The following DLG2 variants were observed in gnomAD, a reference collection of about 807,000 sequenced individuals.
The protein encoded by DLG2 is discs large MAGUK scaffold protein 2, also known as disks large homolog 2.
In DLG2, 45 loss-of-function variants were observed where a neutral mutation model predicts 132.5. The observed-to-expected ratio is 0.34, with a 90% CI of 0.27 to 0.44. The LOEUF (loss-of-function observed/expected upper bound fraction) is 0.44. Among genes scored for constraint, DLG2 ranks in the 20% least tolerant of loss-of-function variants. DLG2 has a pLI of 1.00. For missense variants in DLG2, 1,045 were observed against 1,196.9 expected (o/e 0.87, Z 1.87); for synonymous variants, 424 against 419.6 (o/e 1.01, Z -0.13).
intron 6 of DLG2, among the ~76,000 whole-genome samples, chr11:85,065,827 A>G (rs972245002): frequency 6.6e-6 from 1 of 151,450 alleles, no homozygotes; most frequent in African/African-American, 2.4e-5. Context: ...CAGTGCTAAG[A>G]GAAAAGTTTA....
At position 84,545,628 on chromosome 11, in the gene DLG2, T is replaced by C. The variant is rs563198647; in HGVS notation, c.358-10897A>G. ...CAATATGGTACTTCAATCTTATTCA[T>C]AGAGTCATGGTCCTTAAGAGTTACA... On this transcript the variant is annotated intron_variant, in intron 6 of 27. Coordinates refer to ENST00000376104, the MANE Select transcript of DLG2 (RefSeq NM_001142699.3). The C allele has an allele frequency of 6.4e-4, 208 of 323,756 alleles. 1 individual carries two copies. Among genetic ancestry groups the C allele is most frequent in the South Asian group, 5.0e-3 (153 of 30,630 alleles). The allele number at this position is 323,756 out of a possible 1,614,324, so 20.1% of individuals were successfully genotyped here. A position where few individuals can be genotyped will look rare whatever the true frequency, so the allele number is the denominator to read the frequency against.
At chr11:85,535,775 T>A (rs551756529) in intron 3 of DLG2, among the ~76,000 whole-genome samples, 1 of 152,196 alleles carries the variant, frequency 6.6e-6, no homozygotes, top group Non-Finnish European at 1.5e-5. Flanking sequence ...TAAAATATGA[T>A]ATATTCATAC....
chr11:83,676,461 T>G (rs2077708512), intron 18 of DLG2, among the ~76,000 whole-genome samples: 6 of 152,222 alleles, frequency 3.9e-5, no homozygotes, highest in Admixed American at 3.9e-4. Flanking sequence ...TCAGTTTGAG[T>G]CATCAGTTTA....
intron 18 of DLG2, among the ~76,000 whole-genome samples, chr11:83,783,136 G>T (rs2094905770): frequency 6.6e-6 from 1 of 152,148 alleles, no homozygotes; most frequent in Admixed American, 6.5e-5. Flanking sequence ...TTAAAAGTTG[G>T]CAAAAATGAA....
At chr11:84,801,296 G>A (rs768201821) in intron 6 of DLG2, among the ~76,000 whole-genome samples, 67 of 152,142 alleles carry the variant, frequency 4.4e-4, no homozygotes, top group Non-Finnish European at 8.2e-4. Context: ...TTGAGGCCAG[G>A]CGCCATGACT....
rs2096556924 is a variant in DLG2 at position 84,059,495 on chromosome 11, G to A, written c.750-11C>T. ...ATACAATCATTGACCCTGCAAGGAA[G>A]GAAAAGAGTCAAGATTCAGAAGTGG... On this transcript the variant is annotated splice_polypyrimidine_tract_variant and intron_variant, in intron 10 of 27. Coordinates refer to ENST00000376104, the MANE Select transcript of DLG2 (RefSeq NM_001142699.3). 3 of 1,547,928 alleles carry A rather than the reference G, an allele frequency of 1.9e-6. No individual in the cohort carries two copies. The highest frequency in any genetic ancestry group is 2.8e-5 in the African/African-American group (2 of 71,916).
chr11:83,541,404 A>G (rs2096063709), intron 20 of DLG2, among the ~76,000 whole-genome samples: 1 of 152,218 alleles, frequency 6.6e-6, no homozygotes, highest in Admixed American at 6.5e-5. Context: ...AAGTTTGCAC[A>G]TGCACACACT....
chr11:84,136,998 A>C (rs1343044190), intron 9 of DLG2, among the ~76,000 whole-genome samples: 2 of 152,150 alleles, frequency 1.3e-5, no homozygotes, highest in Admixed American at 6.6e-5. Flanking sequence ...GAAAAAAAAC[A>C]CTACAAACTA....
At chr11:85,245,559 T>C (rs757894697) in intron 4 of DLG2, among the ~76,000 whole-genome samples, 2 of 152,028 alleles carry the variant, frequency 1.3e-5, no homozygotes, top group Non-Finnish European at 1.5e-5. Context: ...GCTTTTGGCC[T>C]ACTCTGTTGC....
At chr11:85,022,459 T>C (rs2060160503) in intron 6 of DLG2, among the ~76,000 whole-genome samples, 1 of 152,066 alleles carries the variant, frequency 6.6e-6, no homozygotes, top group African/African-American at 2.4e-5. Context: ...GAATTATATA[T>C]ATGTTACTCT....
intron 3 of DLG2, chr11:85,453,152 T>TTCTC (rs556622414): frequency 9.4e-5 from 27 of 287,316 alleles, no homozygotes; most frequent in African/African-American, 4.9e-4. Flanking sequence ...GTGAGAATAT[T>TTCTC]TCTCTTTTCC....
intron 12 of DLG2, among the ~76,000 whole-genome samples, chr11:83,980,218 AAG>A (rs2092661777): frequency 1.3e-5 from 2 of 152,134 alleles, no homozygotes; most frequent in South Asian, 2.1e-4. Context: ...TAAGAAGAGA[AAG>A]AGAGAGACAG....
intron 6 of DLG2, among the ~76,000 whole-genome samples, chr11:84,716,890 G>C (rs1192252266): frequency 6.6e-6 from 1 of 151,944 alleles, no homozygotes; most frequent in Non-Finnish European, 1.5e-5. Context: ...GGAATAAATG[G>C]TGTTGTACTT....
chr11:83,480,647 T>C, intron 22 of DLG2: 1 of 1,551,170 alleles, frequency 6.4e-7, no homozygotes, highest in South Asian at 1.2e-5. Flanking sequence ...ATGAAGAAAG[T>C]ATCTTTAATT....
chr11:85,475,811 C>T (rs1387097196), intron 3 of DLG2, among the ~76,000 whole-genome samples: 3 of 152,108 alleles, frequency 2.0e-5, no homozygotes, highest in Non-Finnish European at 2.9e-5. Flanking sequence ...ATCCAGCTTA[C>T]TAGTGGCAAG....
intron 9 of DLG2, among the ~76,000 whole-genome samples, chr11:84,125,140 G>A (rs902899878): frequency 1.3e-5 from 2 of 152,146 alleles, no homozygotes; most frequent in African/African-American, 4.8e-5. Context: ...GTGAGCCACC[G>A]TGCCTGGCCT....
At chr11:84,194,202 T>A (rs2096468624) in intron 8 of DLG2, among the ~76,000 whole-genome samples, 1 of 152,210 alleles carries the variant, frequency 6.6e-6, no homozygotes, top group Non-Finnish European at 1.5e-5. Context: ...TCACTCTCTA[T>A]GTCCTTTTGT....
intron 6 of DLG2, among the ~76,000 whole-genome samples, chr11:84,540,610 C>T (rs964342990): frequency 2.6e-5 from 4 of 152,232 alleles, no homozygotes; most frequent in Middle Eastern, 3.4e-3. Flanking sequence ...AAACTACTTC[C>T]ACCATTGTGG....
chr11:85,147,040 ACT>A (rs1482159502), intron 5 of DLG2, among the ~76,000 whole-genome samples: 1 of 151,500 alleles, frequency 6.6e-6, no homozygotes, highest in Non-Finnish European at 1.5e-5. Context: ...CAATCACTTC[ACT>A]CTCTCTCCTG....
Sources: allele counts gnomAD v4.1 joint callset (sites outside exome capture counted in the v4.1 genomes callset), GRCh38; gene constraint gnomAD v4.1.1; transcripts MANE v1.5; gene names NCBI Gene and HGNC (gene_info 2026-07-23, HGNC 2026-07-21).